RMDN2: variants seen among roughly 807,000 people sequenced by gnomAD.
RMDN2 encodes the protein regulator of microtubule dynamics protein 2.
RMDN2 carries 61 observed loss-of-function variants against 52.8 expected under a neutral mutation model. The observed-to-expected ratio is 1.16, with a 90% CI of 0.94 to 1.43. The LOEUF (loss-of-function observed/expected upper bound fraction) is 1.43. Among genes scored for constraint, RMDN2 ranks in the 40% most tolerant of loss-of-function variants. RMDN2 has a pLI of 0.00. For missense variants in RMDN2, 592 were observed against 475.3 expected (o/e 1.25, Z -2.28); for synonymous variants, 180 against 153.1 (o/e 1.18, Z -1.30).
chr2:38,014,956 A>G (rs919506307), intron 10 of RMDN2, among the ~76,000 whole-genome samples: 2 of 152,250 alleles, frequency 1.3e-5, no homozygotes, highest in African/African-American at 4.8e-5. Flanking sequence ...AACTTGGGCC[A>G]TGGGCCAGGA....
chr2:38,001,365 A>T (rs558444290), intron 8 of RMDN2, among the ~76,000 whole-genome samples: 4 of 152,294 alleles, frequency 2.6e-5, no homozygotes, highest in Non-Finnish European at 5.9e-5. Flanking sequence ...CTGCCTCATC[A>T]TTGGAACATT....
chr2:38,005,401 G>T (rs1310235267), intron 10 of RMDN2, among the ~76,000 whole-genome samples: 1 of 152,110 alleles, frequency 6.6e-6, no homozygotes, highest in Non-Finnish European at 1.5e-5. Flanking sequence ...ATTCTAACTG[G>T]TGTGAGATGG....
At chr2:37,950,562 T>G in intron 2 of RMDN2, 1 of 1,613,182 alleles carries the variant, frequency 6.2e-7, no homozygotes, top group African/African-American at 1.3e-5. Flanking sequence ...AGAGACTTAC[T>G]TTGGATTAAA....
At chr2:37,951,638 C>A in intron 2 of RMDN2, 1 of 1,613,346 alleles carries the variant, frequency 6.2e-7, no homozygotes, top group Middle Eastern at 1.7e-4. Context: ...ACAAGAGTGC[C>A]ATTTTTTTTG....
At position 38,017,421 on chromosome 2, in the gene RMDN2, G is replaced by A; in HGVS notation, c.*182G>A. 4 of 1,292,004 alleles carry A rather than the reference G, an allele frequency of 3.1e-6. No homozygotes were observed. The highest frequency in any genetic ancestry group is 4.0e-6 in the Non-Finnish European group (4 of 989,366). 80.0% of individuals were successfully genotyped at this position (1,292,004 alleles called of 1,614,324 possible). A position where few individuals can be genotyped will look rare whatever the true frequency, so the allele number is the denominator to read the frequency against. On this transcript the variant is annotated 3_prime_UTR_variant, in exon 11 of 11. Coordinates refer to ENST00000354545, the MANE Select transcript of RMDN2 (RefSeq NM_001170791.3). ...ACTACAAAATTAATTATGTTATTTG[G>A]AGAATCTATATACTATAATGTCAAT...
At chr2:38,033,951 C>A (rs910112979) in intron 10 of RMDN2, among the ~76,000 whole-genome samples, 1 of 152,208 alleles carries the variant, frequency 6.6e-6, no homozygotes, top group Non-Finnish European at 1.5e-5. Context: ...TGTCTTGGTT[C>A]AGTAAAAATT....
chr2:37,987,380 C>T lies in RMDN2; in HGVS notation c.792-2161C>T, dbSNP rs1036851858. On this transcript the variant is annotated intron_variant, in intron 5 of 10. Coordinates refer to ENST00000354545, the MANE Select transcript of RMDN2 (RefSeq NM_001170791.3). The stretch of plus-strand genomic sequence containing the variant: ...GCTAAACAGAAATGAGCTATCAAGG[C>T]CATGAAAAGATGTGGAGGAACCTTA... 4.7e-4 allele frequency among the ~76,000 whole-genome samples: 72 copies of T among 151,972 alleles called. 3 individuals carry two copies. The highest frequency in any genetic ancestry group is 7.9e-4 in the Admixed American group (12 of 15,272).
chr2:38,064,653 A>G (rs1682195622), intron 10 of RMDN2, among the ~76,000 whole-genome samples: 1 of 152,146 alleles, frequency 6.6e-6, no homozygotes, highest in South Asian at 2.1e-4. Context: ...ATTCCATAAC[A>G]AAATTGTTGG....
At chr2:37,945,843 C>T (rs1056366164) in intron 2 of RMDN2, among the ~76,000 whole-genome samples, 2 of 152,138 alleles carry the variant, frequency 1.3e-5, no homozygotes, top group Non-Finnish European at 2.9e-5. Flanking sequence ...TGCACTGCCT[C>T]TCGCCTTACT....
chr2:38,009,525 G>T (rs1276797834), intron 10 of RMDN2, among the ~76,000 whole-genome samples: 2 of 152,158 alleles, frequency 1.3e-5, no homozygotes, highest in East Asian at 1.9e-4. Context: ...TTGTGCATTT[G>T]TCACGTAGTT....
At chr2:37,922,061 C>T (rs1572649956), upstream of RMDN2, among the ~76,000 whole-genome samples, 1 of 152,070 alleles carries the variant, frequency 6.6e-6, no homozygotes, top group Non-Finnish European at 1.5e-5. Context: ...TCTCTAAATC[C>T]CTCTCTCTCA....
intron 2 of RMDN2, among the ~76,000 whole-genome samples, chr2:37,970,303 T>C (rs1187160267): frequency 6.6e-6 from 1 of 152,194 alleles, no homozygotes; most frequent in Non-Finnish European, 1.5e-5. Flanking sequence ...TTTTTGGTAA[T>C]GACTGAATTG....
chr2:38,041,427 G>GGTTT (rs376036805), intron 10 of RMDN2, among the ~76,000 whole-genome samples: 1 of 120,092 alleles, frequency 8.3e-6, no homozygotes, highest in South Asian at 2.8e-4. Flanking sequence ...TTTTTTATTG[G>GGTTT]TTTTTTTTTT....
intron 10 of RMDN2, among the ~76,000 whole-genome samples, chr2:38,010,900 A>G (rs1009835035): frequency 1.3e-5 from 2 of 152,196 alleles, no homozygotes; most frequent in East Asian, 1.9e-4. Flanking sequence ...TGGATTTTAC[A>G]TGTACTATAA....
At chr2:38,040,393 T>C (rs950874872) in intron 10 of RMDN2, among the ~76,000 whole-genome samples, 5 of 152,154 alleles carry the variant, frequency 3.3e-5, no homozygotes, top group South Asian at 2.1e-4. Context: ...GATTAAGTCA[T>C]GAGGGTTCTA....
In RMDN2 at chr2:37,974,082, A is replaced by G. The variant is rs1672146384; in HGVS notation, c.495A>G (p.Pro165=). Residue 165 remains proline (P), a synonymous_variant, in exon 3 of 11, where the codon CCA becomes CCG. Transcript: ENST00000354545. ...ANTDTEEQSF[P]VPKAFNTRVE... ...CTGACACAGAAGAACAGAGTTTTCC[A>G]GTCCCTAAGGCATTTAACACACGTG... 3.1e-6 allele frequency: 5 copies of G among 1,612,256 alleles called. No homozygotes were observed. Among genetic ancestry groups the G allele is most frequent in the Non-Finnish European group, 4.2e-6 (5 of 1,179,150 alleles).
At chr2:38,020,098 C>T (rs914431427), downstream of RMDN2, among the ~76,000 whole-genome samples, 5 of 152,140 alleles carry the variant, frequency 3.3e-5, no homozygotes, top group African/African-American at 1.2e-4. Flanking sequence ...GGGCCAGTTT[C>T]ATGGAAGACA....
chr2:38,000,898 G>A lies in RMDN2; in HGVS notation c.1045-3093G>A, dbSNP rs150890013. On this transcript the variant is annotated intron_variant, in intron 8 of 10. Coordinates refer to ENST00000354545, the MANE Select transcript of RMDN2 (RefSeq NM_001170791.3). The stretch of plus-strand genomic sequence containing the variant: ...TGTCATATGGTATGTGCTTTTAAAC[G>A]TTGATCAGTGTTTTTAAAGATCATA... Among the ~76,000 whole-genome samples the A allele has an allele frequency of 5.3e-3, 813 of 152,292 alleles. 2 individuals are homozygous for A. Among genetic ancestry groups the A allele is most frequent in the African/African-American group, 0.019 (769 of 41,546 alleles).
chr2:38,056,628 C>T (rs1167949809), intron 10 of RMDN2, among the ~76,000 whole-genome samples: 4 of 152,096 alleles, frequency 2.6e-5, no homozygotes, highest in Non-Finnish European at 5.9e-5. Context: ...TAATAATTCT[C>T]CCAAACTTAT....
Sources: allele counts gnomAD v4.1 joint callset (sites outside exome capture counted in the v4.1 genomes callset), GRCh38; gene constraint gnomAD v4.1.1; transcripts MANE v1.5; gene names NCBI Gene and HGNC (gene_info 2026-07-23, HGNC 2026-07-21).